PTPRD: variants seen among roughly 807,000 people sequenced by gnomAD.
PTPRD encodes protein tyrosine phosphatase receptor type D, also known as receptor-type tyrosine-protein phosphatase delta.
Under a neutral mutation model 214.5 loss-of-function variants are expected in PTPRD, and 34 were observed. The observed-to-expected ratio is 0.16, with a 90% CI of 0.12 to 0.21. The LOEUF is 0.21. PTPRD is among the 10% of genes least tolerant of loss of function. The pLI, the probability that PTPRD is intolerant of heterozygous loss-of-function variation, is 1.00. For synonymous variants in PTPRD, 1,128 were observed against 845.7 expected (o/e 1.33, Z -5.79); for missense variants, 2,545 against 2,398.7 (o/e 1.06, Z -1.27).
chr9:10,283,363 A>G (rs1220375591), intron 3 of PTPRD, among the ~76,000 whole-genome samples: 1 of 152,192 alleles, frequency 6.6e-6, no homozygotes, highest in Non-Finnish European at 1.5e-5. Flanking sequence ...TGTGAAGTCC[A>G]TAAAGGCAAA....
chr9:10,403,755 C>T (rs570695691), intron 2 of PTPRD, among the ~76,000 whole-genome samples: 52 of 151,782 alleles, frequency 3.4e-4, no homozygotes, highest in African/African-American at 1.2e-3. Flanking sequence ...AAAAAGGCTA[C>T]ACACTATATG....
chr9:9,571,945 AGTTT>A (rs2086578183), intron 8 of PTPRD, among the ~76,000 whole-genome samples: 1 of 151,306 alleles, frequency 6.6e-6, no homozygotes, highest in Non-Finnish European at 1.5e-5. Flanking sequence ...TAACTGTAAA[AGTTT>A]AAACGATATT....
intron 21 of PTPRD, among the ~76,000 whole-genome samples, chr9:8,516,383 G>A (rs2097781324): frequency 6.6e-6 from 1 of 152,102 alleles, no homozygotes; most frequent in Non-Finnish European, 1.5e-5. Context: ...ATGTCATAGA[G>A]AAAAGAGTAA....
intron 44 of PTPRD, among the ~76,000 whole-genome samples, chr9:8,328,627 C>G (rs1408020924): frequency 3.3e-5 from 5 of 151,654 alleles, no homozygotes; most frequent in Non-Finnish European, 1.5e-5. Context: ...AGAGTTTTCT[C>G]CAACTTGGTT....
At chr9:8,899,994 GA>G (rs1470906427) in intron 11 of PTPRD, among the ~76,000 whole-genome samples, 1 of 152,096 alleles carries the variant, frequency 6.6e-6, no homozygotes, top group East Asian at 1.9e-4. Context: ...TCTTCTTTTT[GA>G]GATCATTTTT....
At chr9:8,929,721 A>ATATATATGTGTGTATATATATGTGTG in intron 11 of PTPRD, among the ~76,000 whole-genome samples, 1 of 77,424 alleles carries the variant, frequency 1.3e-5, no homozygotes, top group Admixed American at 1.3e-4. Context: ...ATATATGTGT[A>ATATATATGTGTGTATATATATGTGTG]TATATATATG....
intron 8 of PTPRD, among the ~76,000 whole-genome samples, chr9:9,545,239 C>T (rs1340661172): frequency 2.0e-5 from 3 of 151,842 alleles, no homozygotes; most frequent in South Asian, 4.1e-4. Flanking sequence ...ACGACACACA[C>T]TTGCCACTGT....
intron 2 of PTPRD, among the ~76,000 whole-genome samples, chr9:10,538,166 A>G (rs1419879665): frequency 6.6e-6 from 1 of 151,838 alleles, no homozygotes; most frequent in East Asian, 1.9e-4. Flanking sequence ...AATAAATGGG[A>G]GGATTTGTTT....
At chr9:8,534,262 T>A (rs2076385601) in intron 14 of PTPRD, among the ~76,000 whole-genome samples, 1 of 151,874 alleles carries the variant, frequency 6.6e-6, no homozygotes, top group African/African-American at 2.4e-5. Context: ...ACCACATGTA[T>A]AAACACAATG....
At chr9:10,418,759 G>A (rs967969062) in intron 2 of PTPRD, among the ~76,000 whole-genome samples, 1 of 151,634 alleles carries the variant, frequency 6.6e-6, no homozygotes, top group Non-Finnish European at 1.5e-5. Flanking sequence ...AGGAAGAAAT[G>A]GTTGGAAGGA....
intron 30 of PTPRD, among the ~76,000 whole-genome samples, chr9:8,483,322 A>T (rs1223365838): frequency 6.6e-6 from 1 of 152,144 alleles, no homozygotes; most frequent in Non-Finnish European, 1.5e-5. Context: ...CATCAGTGTC[A>T]TATACCATTA....
chr9:9,233,737 T>C (rs916584583), intron 9 of PTPRD, among the ~76,000 whole-genome samples: 1 of 152,204 alleles, frequency 6.6e-6, no homozygotes, highest in Non-Finnish European at 1.5e-5. Flanking sequence ...TGAAATCCAA[T>C]AGGGAAGTCA....
At chr9:10,031,402 A>C (rs1257959102) in intron 4 of PTPRD, among the ~76,000 whole-genome samples, 2 of 151,662 alleles carry the variant, frequency 1.3e-5, no homozygotes, top group Non-Finnish European at 2.9e-5. Flanking sequence ...CCATCTAAGT[A>C]GCTGCCAGTG....
intron 35 of PTPRD, among the ~76,000 whole-genome samples, chr9:8,422,964 A>C (rs1465089219): frequency 6.6e-6 from 1 of 152,200 alleles, no homozygotes; most frequent in East Asian, 1.9e-4. Flanking sequence ...ATAGCTTCTC[A>C]ATCACTGCAG....
At chr9:9,449,003 T>A (rs1454468597) in intron 8 of PTPRD, among the ~76,000 whole-genome samples, 1 of 152,068 alleles carries the variant, frequency 6.6e-6, no homozygotes, top group African/African-American at 2.4e-5. Flanking sequence ...ACTTTCAGCT[T>A]CGCAAAGCAT....
At chr9:9,464,188 G>C (rs1315278763) in intron 8 of PTPRD, among the ~76,000 whole-genome samples, 1 of 152,118 alleles carries the variant, frequency 6.6e-6, no homozygotes, top group Non-Finnish European at 1.5e-5. Flanking sequence ...TCTCCAGTGA[G>C]CAATGGGACC....
intron 4 of PTPRD, among the ~76,000 whole-genome samples, chr9:10,000,880 A>G (rs1177823587): frequency 6.6e-6 from 1 of 152,128 alleles, no homozygotes; most frequent in East Asian, 1.9e-4. Context: ...TTTGCATATT[A>G]AGAGCCTGGG....
Position 8,575,068 on chromosome 9 carries a change from A to G in PTPRD, c.353-46289T>C, listed in dbSNP as rs961574997. 2.0e-5 allele frequency among the ~76,000 whole-genome samples: 3 copies of G among 152,112 alleles called. No individual in the cohort carries two copies. The East Asian group carries it at 5.8e-4, about 29-fold the overall frequency. On this transcript the variant is annotated intron_variant, in intron 14 of 45. Transcript: ENST00000381196. ...GATCACACTTCATCAGAGGGTTTAC[A>G]GAACTGTCCTCGTACTCTACGAATA...
At position 9,434,437 on chromosome 9, in the gene PTPRD, G is replaced by A. The variant is rs537831576; in HGVS notation, c.-236-36955C>T. 2.0e-5 allele frequency among the ~76,000 whole-genome samples: 3 copies of A among 152,268 alleles called. No individual in the cohort carries two copies. The East Asian group carries it at 5.8e-4, about 29-fold the overall frequency. On this transcript the variant is annotated intron_variant, in intron 8 of 45. Transcript: ENST00000381196. ...TGAATAATGTTAAAATGGCTACGCT[G>A]CCCAAAGTGATCTACAGATTTTATG... is the stretch of plus-strand genomic sequence containing the variant.
Sources: gnomAD v4.1 joint callset for allele counts (sites outside exome capture counted in the v4.1 genomes callset) on GRCh38, gnomAD v4.1.1 for gene constraint, MANE v1.5 for transcripts, NCBI Gene and HGNC (gene_info 2026-07-23, HGNC 2026-07-21) for gene names.